Variants in METTL15 observed in about 807,000 individuals in gnomAD.
METTL15 encodes methyltransferase 15, mitochondrial 12S rRNA N4-cytidine.
METTL15 carries 34 observed loss-of-function variants against 38.3 expected under a neutral mutation model. That is an observed-to-expected ratio of 0.89 (90% confidence interval 0.68 to 1.18). The LOEUF is 1.18. Ranked by LOEUF, METTL15 falls within the 50% of genes most tolerant of loss-of-function variation. The probability of loss-of-function intolerance (pLI) is 0.00; values close to 1 mark genes in which losing one functional copy is unlikely to be tolerated. For missense variants in METTL15, 438 were observed against 498.4 expected (o/e 0.88, Z 1.15); for synonymous variants, 162 against 170.9 (o/e 0.95, Z 0.41).
intron 5 of METTL15, among the ~76,000 whole-genome samples, chr11:28,388,432 A>G (rs1398219662): frequency 6.6e-6 from 1 of 152,176 alleles, no homozygotes; most frequent in Non-Finnish European, 1.5e-5. Flanking sequence ...GGCAAAAAGG[A>G]AATTAAGAAA....
intron 3 of METTL15, among the ~76,000 whole-genome samples, 185 bp downstream of exon 3, chr11:28,113,789 T>G (rs552843843): frequency 3.9e-5 from 6 of 152,278 alleles, no homozygotes; most frequent in African/African-American, 1.4e-4. Flanking sequence ...CATACAACCA[T>G]GCTTTTTTTA....
chr11:28,130,329 A>T (rs966154250), intron 3 of METTL15, among the ~76,000 whole-genome samples: 1 of 152,114 alleles, frequency 6.6e-6, no homozygotes, highest in South Asian at 2.1e-4. Flanking sequence ...AACAAAAACC[A>T]ACACACCTTC....
chr11:28,251,514 A>T (rs1854742451), intron 4 of METTL15, among the ~76,000 whole-genome samples: 1 of 152,006 alleles, frequency 6.6e-6, no homozygotes, highest in Admixed American at 6.6e-5. Context: ...TGAGATTTTC[A>T]TGCCATCCGG....
chr11:28,372,024 G>A (rs947463325), intron 5 of METTL15, among the ~76,000 whole-genome samples: 4 of 151,704 alleles, frequency 2.6e-5, no homozygotes, highest in Admixed American at 1.3e-4. Context: ...ACAGTATTAT[G>A]TTGAATAAAA....
At chr11:28,153,200 A>G (rs1447198457) in intron 3 of METTL15, among the ~76,000 whole-genome samples, 3 of 152,014 alleles carry the variant, frequency 2.0e-5, no homozygotes, top group Non-Finnish European at 4.4e-5. Flanking sequence ...TACAATGTCT[A>G]ACCTCCTGTG....
chr11:28,504,058 C>T (rs973812664), intron 6 of METTL15, among the ~76,000 whole-genome samples: 1 of 151,504 alleles, frequency 6.6e-6, no homozygotes, highest in Non-Finnish European at 1.5e-5. Flanking sequence ...ATTAGCTGGG[C>T]GTGGTGGCAG....
At chr11:28,402,998 A>C (rs1485049582) in intron 5 of METTL15, among the ~76,000 whole-genome samples, 1 of 152,004 alleles carries the variant, frequency 6.6e-6, no homozygotes, top group East Asian at 1.9e-4. Flanking sequence ...ATCCACCCAA[A>C]GGAAAAGAAA....
chr11:28,514,295 G>T (rs1313457296), intron 6 of METTL15, among the ~76,000 whole-genome samples: 1 of 152,188 alleles, frequency 6.6e-6, no homozygotes, highest in Non-Finnish European at 1.5e-5. Flanking sequence ...TTTTATCTAT[G>T]ATTGGAGAAA....
At chr11:28,195,070 T>A (rs538358596) in intron 3 of METTL15, among the ~76,000 whole-genome samples, 1 of 152,246 alleles carries the variant, frequency 6.6e-6, no homozygotes, top group Non-Finnish European at 1.5e-5. Flanking sequence ...CCATGGTATA[T>A]ATACCACATT....
chr11:28,433,946 C>T (rs150316518), intron 6 of METTL15, among the ~76,000 whole-genome samples: 52 of 152,228 alleles, frequency 3.4e-4, no homozygotes, highest in African/African-American at 1.3e-3. Flanking sequence ...AACTAGACTC[C>T]TTCCTAAGTG....
intron 5 of METTL15, among the ~76,000 whole-genome samples, chr11:28,296,178 TA>T (rs1271162119): frequency 6.6e-6 from 1 of 152,184 alleles, no homozygotes; most frequent in African/African-American, 2.4e-5. Flanking sequence ...CAAATATTGT[TA>T]AACATTTGAA....
chr11:28,469,821 A>G (rs573227038), intron 6 of METTL15, among the ~76,000 whole-genome samples: 1 of 152,276 alleles, frequency 6.6e-6, no homozygotes, highest in South Asian at 2.1e-4. Flanking sequence ...CAAACAGGAC[A>G]CGGGAATGTA....
rs796173577 is a variant in METTL15, at chr11:28,400,576, C to T, written c.*359-23723C>T. Among the ~76,000 whole-genome samples the T allele has an allele frequency of 3.9e-5, 6 of 151,982 alleles. 1 individual carries two copies. Among genetic ancestry groups the T allele is most frequent in the African/African-American group, 1.4e-4 (6 of 41,510 alleles). On this transcript the variant is annotated intron_variant and NMD_transcript_variant, in intron 5 of 7. Transcript: ENST00000532947. ...TGAATTTGTCAGTGGAGTCTGAGTT[C>T]CCCCCATCCCTCACCCCTCTTGAGG... is the stretch of plus-strand genomic sequence containing the variant.
At chr11:28,209,689 G>C (rs1852540418) in intron 3 of METTL15, among the ~76,000 whole-genome samples, 1 of 151,846 alleles carries the variant, frequency 6.6e-6, no homozygotes, top group African/African-American at 2.4e-5. Flanking sequence ...ACTTTTATGA[G>C]GACTTGATCA....
intron 6 of METTL15, among the ~76,000 whole-genome samples, chr11:28,517,891 G>C (rs893951401): frequency 5.9e-5 from 9 of 152,200 alleles, no homozygotes; most frequent in Non-Finnish European, 1.2e-4. Flanking sequence ...ACAAGATGAG[G>C]CATGGGCCTT....
intron 4 of METTL15, among the ~76,000 whole-genome samples, chr11:28,238,293 A>G (rs1171082437): frequency 6.6e-6 from 1 of 152,112 alleles, no homozygotes; most frequent in Non-Finnish European, 1.5e-5. Flanking sequence ...TGTTTACCTA[A>G]GGGAGCCTGG....
chr11:28,164,655 T>A (rs1850592592), intron 3 of METTL15, among the ~76,000 whole-genome samples: 1 of 152,120 alleles, frequency 6.6e-6, no homozygotes, highest in Non-Finnish European at 1.5e-5. Context: ...GTCACTTATT[T>A]TTTATGGTAA....
intron 4 of METTL15, chr11:28,261,128 G>A (rs949893425): frequency 3.3e-5 from 5 of 152,122 alleles, no homozygotes; most frequent in Admixed American, 6.5e-5. Context: ...TGAAGATTCC[G>A]TGAACTTTGA....
intron 3 of METTL15, among the ~76,000 whole-genome samples, chr11:28,120,597 A>G (rs908544525): frequency 2.0e-5 from 3 of 151,872 alleles, no homozygotes; most frequent in Non-Finnish European, 4.4e-5. Flanking sequence ...TCCTGATGTC[A>G]TGGAATGTAG....
Sources: gnomAD v4.1 joint callset for allele counts (sites outside exome capture counted in the v4.1 genomes callset) on GRCh38, gnomAD v4.1.1 for gene constraint, MANE v1.5 for transcripts, NCBI Gene and HGNC (gene_info 2026-07-23, HGNC 2026-07-21) for gene names.